Variants in DNAJC5 observed in about 807,000 individuals in gnomAD.
DNAJC5 encodes the protein dnaJ homolog subfamily C member 5.
In DNAJC5, 1 loss-of-function variant was observed where a neutral mutation model predicts 23.2. The ratio of observed to expected loss-of-function variants is 0.04; its 90% confidence interval spans 0.02 to 0.20. DNAJC5 has a LOEUF of 0.20. DNAJC5 is among the 10% of genes least tolerant of loss of function. The probability of loss-of-function intolerance (pLI) is 1.00; values close to 1 mark genes in which losing one functional copy is unlikely to be tolerated. For missense variants in DNAJC5, 180 were observed against 267.0 expected, an observed-to-expected ratio of 0.67 and a Z score of 2.27; for synonymous variants, 136 against 120.0, an observed-to-expected ratio of 1.13 and a Z score of -0.87.
intron 1 of DNAJC5, chr20:63,908,837 G>T (rs553575151): frequency 1.6e-4 from 25 of 152,328 alleles, no homozygotes; most frequent in African/African-American, 5.8e-4. Context: ...AGTGGCTCAG[G>T]CCTGTAATTC....
At chr20:63,927,568 G>A (rs2053627309) in intron 1 of DNAJC5, among the ~76,000 whole-genome samples, 1 of 151,882 alleles carries the variant, frequency 6.6e-6, no homozygotes, top group African/African-American at 2.4e-5. Context: ...AAGAAACTGT[G>A]TGTTCTCTAG....
At chr20:63,926,292 T>C (rs2146300895) in intron 1 of DNAJC5, among the ~76,000 whole-genome samples, 1 of 152,386 alleles carries the variant, frequency 6.6e-6, no homozygotes. Flanking sequence ...TTTATCCTTT[T>C]CACGCCTCTA....
Position 63,933,010 on chromosome 20 carries a change from A to G in DNAJC5, c.*1442A>G, listed in dbSNP as rs61744085. On this transcript the variant is annotated 3_prime_UTR_variant, in exon 5 of 5. Coordinates refer to ENST00000360864, the MANE Select transcript of DNAJC5 (RefSeq NM_025219.3). ...GGGCTCAGAGCTGCCCGCACTCCGT[A>G]GCTCATGGGATGTGCTGGGCCTGCC... The G allele has an allele frequency of 0.081, 12,406 of 152,462 alleles. 614 individuals carry two copies. The highest frequency in any genetic ancestry group is 0.088 in the African/African-American group (3,676 of 41,540). The allele number at this position is 152,462 out of a possible 1,614,324, so 9.4% of individuals were successfully genotyped here. A position where few individuals can be genotyped will look rare whatever the true frequency, so the allele number is the denominator to read the frequency against.
rs140326040 is a variant in DNAJC5, at chr20:63,930,985, C to T, written c.456C>T (p.Pro152=). The T allele has an allele frequency of 2.4e-4, 387 of 1,614,090 alleles. No individual in the cohort carries two copies. The African/African-American group carries it at 4.3e-3, about 18-fold the overall frequency. The part of the protein sequence containing the change: ...EGEETEFYVS[P]EDLEAQLQSD... ...AGGAGACGGAGTTCTACGTGTCCCC[C>T]GAGGATCTGGAGGCACAGCTGCAGT... Residue 152 remains proline (P), a synonymous_variant, in exon 4 of 5, where the codon CCC becomes CCT. Coordinates refer to ENST00000360864, the MANE Select transcript of DNAJC5 (RefSeq NM_025219.3).
At chr20:63,904,752 TA>T (rs1275465385) in intron 1 of DNAJC5, among the ~76,000 whole-genome samples, 2 of 152,200 alleles carry the variant, frequency 1.3e-5, no homozygotes, top group East Asian at 3.8e-4. Context: ...CTTATATTTT[TA>T]AAAGGCAAAG....
chr20:63,911,369 GA>G (rs2053481835), intron 1 of DNAJC5, among the ~76,000 whole-genome samples: 1 of 152,172 alleles, frequency 6.6e-6, no homozygotes, highest in Non-Finnish European at 1.5e-5. Context: ...TGTGACTCAC[GA>G]GGGCAGGCGT....
At chr20:63,926,661 G>A (rs761417166) in intron 1 of DNAJC5, among the ~76,000 whole-genome samples, 8 of 152,218 alleles carry the variant, frequency 5.3e-5, no homozygotes, top group Non-Finnish European at 7.3e-5. Flanking sequence ...GAGGAGACAC[G>A]TGGCCCCGCT....
At chr20:63,918,479 A>G (rs776213657) in intron 1 of DNAJC5, among the ~76,000 whole-genome samples, 11 of 152,258 alleles carry the variant, frequency 7.2e-5, no homozygotes, top group Non-Finnish European at 1.3e-4. Flanking sequence ...AGAGAATAGC[A>G]TTGAATTTAA....
At position 63,928,505 on chromosome 20, in the gene DNAJC5, G is replaced by T. The variant is rs747912965; in HGVS notation, c.107+53G>T. 2.1e-6 allele frequency: 3 copies of T among 1,453,614 alleles called. No individual in the cohort carries two copies. The highest frequency in any genetic ancestry group is 4.5e-5 in the East Asian group (2 of 44,056). The allele number at this position is 1,453,614 out of a possible 1,614,324, so 90.0% of individuals were successfully genotyped here. ...CCCCCCAGGAAGACACACATGCCCC[G>T]TGTGGTTTAGTCTGCATTTTACCAA... On this transcript the variant is annotated intron_variant, in intron 2 of 4. Coordinates refer to ENST00000360864, the MANE Select transcript of DNAJC5 (RefSeq NM_025219.3). The surrounding 1 kb of genome is among the most constrained non-coding windows in gnomAD (Gnocchi z 4.6).
At chr20:63,895,854 C>A (rs1323537060) in intron 1 of DNAJC5, among the ~76,000 whole-genome samples, 1 of 152,170 alleles carries the variant, frequency 6.6e-6, no homozygotes, top group Admixed American at 6.5e-5. Context: ...TTAGAAAAAA[C>A]CTGTTTTCTC....
rs1425055316 is a variant in DNAJC5 at position 63,920,100 on chromosome 20, T to C, written c.-11-8235T>C. On this transcript the variant is annotated intron_variant, in intron 1 of 4. Coordinates refer to ENST00000360864, the MANE Select transcript of DNAJC5 (RefSeq NM_025219.3). The surrounding 1 kb of genome is among the most constrained non-coding windows in gnomAD (Gnocchi z 4.6). ...GAGGACGCACCCGGCTGTGTGGACA[T>C]GTGCCCAGGGCCCGGGACAGCGCCA... Among the ~76,000 whole-genome samples the C allele has an allele frequency of 1.5e-5, 2 of 130,992 alleles. No individual in the cohort carries two copies. The highest frequency in any genetic ancestry group is 3.2e-5 in the Non-Finnish European group (2 of 62,446). 85.9% of individuals were successfully genotyped at this position (130,992 alleles called of 152,430 possible).
chr20:63,904,002 T>C (rs1194930531), intron 1 of DNAJC5, among the ~76,000 whole-genome samples: 2 of 152,026 alleles, frequency 1.3e-5, no homozygotes, highest in Non-Finnish European at 2.9e-5. Context: ...CAGGCTGAGG[T>C]GGGAGGATCC....
At chr20:63,907,046 GC>G (rs1256855514) in intron 1 of DNAJC5, among the ~76,000 whole-genome samples, 1 of 151,960 alleles carries the variant, frequency 6.6e-6, no homozygotes, top group African/African-American at 2.4e-5. Context: ...GTGTGATTGA[GC>G]CACTGCACTC....
In DNAJC5 at chr20:63,935,750, A is replaced by C. The variant is rs560762968; in HGVS notation, c.*4182A>C. Reference sequence around the variant, plus strand: ...CCTGGAAAATGGGGAAAATGTTTCAAGCCAGGTGAGGGGGGAAGTTAACAC... The same window carrying C: ...CCTGGAAAATGGGGAAAATGTTTCACGCCAGGTGAGGGGGGAAGTTAACAC... On this transcript the variant is annotated 3_prime_UTR_variant, in exon 5 of 5. Coordinates refer to ENST00000360864, the MANE Select transcript of DNAJC5 (RefSeq NM_025219.3). 37 of 152,380 alleles carry C rather than the reference A, an allele frequency of 2.4e-4. No individual in the cohort carries two copies. The highest frequency in any genetic ancestry group is 8.2e-4 in the African/African-American group (34 of 41,594). 9.4% of individuals were successfully genotyped at this position (152,380 alleles called of 1,614,324 possible).
intron 1 of DNAJC5, among the ~76,000 whole-genome samples, chr20:63,913,390 T>G (rs955528538): frequency 6.6e-6 from 1 of 151,748 alleles, no homozygotes; most frequent in African/African-American, 2.4e-5. Context: ...AGCCTGTTTT[T>G]TTTCTTTCTT....
chr20:63,911,869 G>A (rs1427025046), intron 1 of DNAJC5, among the ~76,000 whole-genome samples: 1 of 151,712 alleles, frequency 6.6e-6, no homozygotes, highest in African/African-American at 2.4e-5. Flanking sequence ...TAATAGAGAT[G>A]GGGTTTCACC....
At chr20:63,915,642 C>G (rs776897567) in intron 1 of DNAJC5, among the ~76,000 whole-genome samples, 8 of 152,304 alleles carry the variant, frequency 5.3e-5, no homozygotes, top group Non-Finnish European at 8.8e-5. Context: ...CCGTACCAGT[C>G]ATTGTTGAGG....
At chr20:63,908,161 T>G (rs1052373063) in intron 1 of DNAJC5, among the ~76,000 whole-genome samples, 3 of 152,218 alleles carry the variant, frequency 2.0e-5, no homozygotes, top group African/African-American at 7.2e-5. Context: ...GATTTGACTT[T>G]CGTCATAGTT....
intron 1 of DNAJC5, among the ~76,000 whole-genome samples, chr20:63,927,306 C>T (rs1363808016): frequency 2.0e-5 from 3 of 152,040 alleles, no homozygotes; most frequent in African/African-American, 7.2e-5. Context: ...CACCTGAGGT[C>T]GGGAGTTCAG....
Sources: allele counts gnomAD v4.1 joint callset (sites outside exome capture counted in the v4.1 genomes callset), GRCh38; gene constraint gnomAD v4.1.1; non-coding constraint Gnocchi (gnomAD v3.1); transcripts MANE v1.5; gene names NCBI Gene and HGNC (gene_info 2026-07-23, HGNC 2026-07-21).